Variants in ZNF143 observed in about 807,000 individuals in gnomAD.
ZNF143 encodes the protein zinc finger protein 143.
Under a neutral mutation model 74.1 loss-of-function variants are expected in ZNF143, and 49 were observed. That is an observed-to-expected ratio of 0.66 (90% CI 0.53 to 0.84). The LOEUF is 0.84. ZNF143 is among the 40% of genes least tolerant of loss of function. ZNF143 has a pLI of 0.00. For missense variants in ZNF143, 637 were observed against 793.4 expected (o/e 0.80, Z 2.37); for synonymous variants, 304 against 282.8 (o/e 1.07, Z -0.75).
chr11:9,485,399 G>C (rs1226373953), intron 7 of ZNF143, among the ~76,000 whole-genome samples: 5 of 140,754 alleles, frequency 3.6e-5, no homozygotes, highest in Non-Finnish European at 7.5e-5. Context: ...CCAGGCTGGA[G>C]TACAGTGGCA....
At chr11:9,486,343 ATATATATATTATATATATAT>A (rs1565038423) in intron 7 of ZNF143, among the ~76,000 whole-genome samples, 1 of 76,534 alleles carries the variant, frequency 1.3e-5, no homozygotes, top group African/African-American at 5.2e-5. Flanking sequence ...TAATTATATT[ATATATATATTATATATATAT>A]TATATATAAT....
At chr11:9,479,432 A>G (rs1371561127) in intron 6 of ZNF143, 40 bp from the exon 7 acceptor site, 1 of 1,562,054 alleles carries the variant, frequency 6.4e-7, no homozygotes, top group Non-Finnish European at 8.7e-7. Context: ...AACCATTATC[A>G]AAATGTAAAA....
intron 14 of ZNF143, among the ~76,000 whole-genome samples, chr11:9,521,060 C>T (rs1722181240): frequency 6.6e-6 from 1 of 152,184 alleles, no homozygotes; most frequent in Non-Finnish European, 1.5e-5. Context: ...CTTACACTCC[C>T]TGCCCCCACA....
chr11:9,497,812 A>C lies in ZNF143; in HGVS notation c.967+12A>C, dbSNP rs373160406. 9 of 1,570,528 alleles carry C rather than the reference A, an allele frequency of 5.7e-6. No homozygotes were observed. The highest frequency in any genetic ancestry group is 4.2e-5 in the African/African-American group (3 of 71,740). Reference sequence around the variant, plus strand: ...CAGAACTCATACAGGTACTAGTGGAAACAGAGTGTCAAAATCTTTTTTTTT... The same window carrying C: ...CAGAACTCATACAGGTACTAGTGGACACAGAGTGTCAAAATCTTTTTTTTT... On this transcript the variant is annotated intron_variant, in intron 10 of 15. Coordinates refer to ENST00000396602, the MANE Select transcript of ZNF143 (RefSeq NM_003442.6).
At chr11:9,496,077 C>T (rs1335556152) in intron 8 of ZNF143, among the ~76,000 whole-genome samples, 2 of 152,174 alleles carry the variant, frequency 1.3e-5, no homozygotes, top group Non-Finnish European at 2.9e-5. Flanking sequence ...AGACCTCAAA[C>T]GTTCCTGTTC....
chr11:9,478,487 C>T lies in ZNF143; in HGVS notation c.471C>T (p.Ile157=). The change falls in exon 6 of 16, where the codon ATC becomes ATT. Residue 157 remains isoleucine, a synonymous_variant. Coordinates refer to ENST00000396602, the MANE Select transcript of ZNF143 (RefSeq NM_003442.6). ...TGCAAGTCCCGCAGTCTGACACCAT[C>T]TTGGCAATTCAGGCTGATGGGACAG... ...HAVQVPQSDT[I]LAIQADGTVA... is the part of the protein sequence containing the mutation. 1.2e-6 allele frequency: 2 copies of T among 1,614,240 alleles called. No homozygotes were observed. The highest frequency in any genetic ancestry group is 2.2e-5 in the East Asian group (1 of 44,882).
rs966125343 is a variant in ZNF143, at chr11:9,479,354, C to G, written c.571-118C>G. 1.6e-5 allele frequency: 10 copies of G among 622,228 alleles called. No homozygotes were observed. The East Asian group carries it at 3.2e-4, about 20-fold the overall frequency. The allele number at this position is 622,228 out of a possible 1,614,324, so 38.5% of individuals were successfully genotyped here. A position where few individuals can be genotyped will look rare whatever the true frequency, so the allele number is the denominator to read the frequency against. ...ACAAAAATAAATGATAATGAAGCCC[C>G]ATGTACTTTTTTTTCTTTTTCTTTT... is the stretch of plus-strand genomic sequence containing the variant. On this transcript the variant is annotated intron_variant, in intron 6 of 15. Coordinates refer to ENST00000396602, the MANE Select transcript of ZNF143 (RefSeq NM_003442.6).
intron 15 of ZNF143, among the ~76,000 whole-genome samples, chr11:9,527,092 C>T (rs532575021): frequency 7.2e-5 from 11 of 152,294 alleles, no homozygotes; most frequent in East Asian, 5.8e-4. Flanking sequence ...CTCGGCCTCC[C>T]GAAGTGCTGA....
chr11:9,477,116 TTCCTTCCTTCC>T, intron 5 of ZNF143, among the ~76,000 whole-genome samples: 2 of 52,874 alleles, frequency 3.8e-5, no homozygotes, highest in Non-Finnish European at 7.5e-5. Flanking sequence ...TCTGCACCCC[TTCCTTCCTTCC>T]TTCCTTCCTT....
chr11:9,491,982 T>C (rs980016588), intron 7 of ZNF143, among the ~76,000 whole-genome samples: 3 of 152,170 alleles, frequency 2.0e-5, no homozygotes, highest in East Asian at 3.9e-4. Context: ...TTTGCTCTTA[T>C]TGCCCAGGCT....
chr11:9,514,204 T>C (rs1848647655), intron 13 of ZNF143, among the ~76,000 whole-genome samples: 1 of 152,234 alleles, frequency 6.6e-6, no homozygotes, highest in Admixed American at 6.5e-5. Flanking sequence ...CTACTATTTA[T>C]CAGACCAGAA....
intron 7 of ZNF143, among the ~76,000 whole-genome samples, chr11:9,493,176 T>C (rs1847843321): frequency 6.6e-6 from 1 of 151,762 alleles, no homozygotes; most frequent in African/African-American, 2.4e-5. Flanking sequence ...TTCAAGCGAT[T>C]CTCCTGCCTC....
At chr11:9,525,589 C>G in intron 15 of ZNF143, 1 of 652,184 alleles carries the variant, frequency 1.5e-6, no homozygotes, top group Non-Finnish European at 2.6e-6. Flanking sequence ...TTTGCATATT[C>G]TAGGGGAATT....
Position 9,505,173 on chromosome 11 carries a change from C to T in ZNF143, c.1148-3446C>T, listed in dbSNP as rs1176484398. Reference sequence around the variant, plus strand: ...ATTTTTAGTAGAGACAGGGTTTCACCATGTTGGCCAGGATGGTCTCCATCT... The same window carrying T: ...ATTTTTAGTAGAGACAGGGTTTCACTATGTTGGCCAGGATGGTCTCCATCT... On this transcript the variant is annotated intron_variant, in intron 11 of 15. Coordinates refer to ENST00000396602, the MANE Select transcript of ZNF143 (RefSeq NM_003442.6). 1.6e-5 allele frequency among the ~76,000 whole-genome samples: 2 copies of T among 121,350 alleles called. 1 individual carries two copies. The highest frequency in any genetic ancestry group is 3.9e-5 in the Non-Finnish European group (2 of 51,218). 79.6% of individuals were successfully genotyped at this position (121,350 alleles called of 152,430 possible).
chr11:9,521,573 T>G (rs925545181), intron 14 of ZNF143, among the ~76,000 whole-genome samples: 4 of 150,686 alleles, frequency 2.7e-5, no homozygotes, highest in East Asian at 1.9e-4. Flanking sequence ...TTTTTTTTGT[T>G]TTTTTTTTGT....
chr11:9,462,384 C>G (rs760608982), intron 1 of ZNF143, among the ~76,000 whole-genome samples: 1 of 151,896 alleles, frequency 6.6e-6, no homozygotes, highest in Admixed American at 6.6e-5. Context: ...CATAGGGAGA[C>G]GGCCCTCCCA....
intron 1 of ZNF143, among the ~76,000 whole-genome samples, chr11:9,466,774 A>G (rs1051303098): frequency 1.3e-5 from 2 of 152,166 alleles, no homozygotes; most frequent in African/African-American, 2.4e-5. Context: ...ACAAAACACA[A>G]TAAAATAGCT....
chr11:9,481,964 A>T (rs1847256520), intron 7 of ZNF143, among the ~76,000 whole-genome samples: 1 of 124,686 alleles, frequency 8.0e-6, no homozygotes, highest in African/African-American at 3.0e-5. Context: ...CATTAAAAAA[A>T]CCCATTACTC....
At position 9,474,549 on chromosome 11, in the gene ZNF143, G is replaced by A. The variant is rs1486851820; in HGVS notation, c.290-1G>A. 6.2e-7 allele frequency: 1 copy of A among 1,614,100 alleles called. No individual in the cohort carries two copies. The highest frequency in any genetic ancestry group is 1.7e-5 in the Admixed American group (1 of 60,006). ...ATCTAAATGTAAGCATTGTTCTTGAGCAGGGGACAGTTTGCGTCTAGAGGA... is the reference window on the plus strand; with the variant it reads ...ATCTAAATGTAAGCATTGTTCTTGAACAGGGGACAGTTTGCGTCTAGAGGA... On this transcript the variant is annotated splice_acceptor_variant, in intron 4 of 15. Transcript: ENST00000396602. LOFTEE classifies it high-confidence loss of function.
Sources: allele counts gnomAD v4.1 joint callset (sites outside exome capture counted in the v4.1 genomes callset), GRCh38; gene constraint gnomAD v4.1.1; transcripts MANE v1.5; gene names NCBI Gene and HGNC (gene_info 2026-07-23, HGNC 2026-07-21).